Variants in NCAM2 observed in about 807,000 individuals in gnomAD.
NCAM2 encodes N-CAM-2.
NCAM2 carries 30 observed loss-of-function variants against 98.1 expected under a neutral mutation model. That is an observed-to-expected ratio of 0.31 (90% CI 0.23 to 0.41). The LOEUF (loss-of-function observed/expected upper bound fraction) is 0.41, where lower values mean the gene tolerates loss of function less well. Among genes scored for constraint, NCAM2 ranks in the 10% least tolerant of loss-of-function variants. The pLI is 1.00. For missense variants in NCAM2, 867 were observed against 1,005.8 expected (o/e 0.86, Z 1.87); for synonymous variants, 368 against 342.4 (o/e 1.07, Z -0.83).
intron 16 of NCAM2, among the ~76,000 whole-genome samples, chr21:21,531,571 T>C (rs1569143124): frequency 6.6e-6 from 1 of 152,142 alleles, no homozygotes; most frequent in Non-Finnish European, 1.5e-5. Flanking sequence ...GCTATGCTTG[T>C]TATTATTTCC....
intron 5 of NCAM2, among the ~76,000 whole-genome samples, chr21:21,312,895 T>G (rs1282575844): frequency 6.6e-6 from 1 of 151,866 alleles, no homozygotes; most frequent in African/African-American, 2.4e-5. Context: ...AATGTATTTT[T>G]TATATTTCTT....
At chr21:21,092,672 C>T (rs568846129) in intron 1 of NCAM2, among the ~76,000 whole-genome samples, 1 of 134 alleles carries the variant, frequency 7.5e-3, no homozygotes, top group East Asian at 0.25. Context: ...GAGTGAAATA[C>T]GCTAGAAAAA....
At position 21,341,452 on chromosome 21, in the gene NCAM2, GA is replaced by G. The variant is rs1255903605; in HGVS notation, c.1044+2923del. Among the ~76,000 whole-genome samples, 3 of 152,124 alleles carry G rather than the reference GA, an allele frequency of 2.0e-5. 1 individual carries two copies. The South Asian group carries it at 6.2e-4, about 31-fold the overall frequency. On this transcript the variant is annotated intron_variant, in intron 8 of 17. Transcript: ENST00000400546. ...AAATTAACAGCTAATATTTCCAACA[GA>G]AAAATGATCTTAACCAATTAGTTGA...
chr21:21,408,957 A>G (rs549618739), intron 9 of NCAM2, among the ~76,000 whole-genome samples: 3 of 118,758 alleles, frequency 2.5e-5, no homozygotes, highest in African/African-American at 8.0e-5. Context: ...AGATATAACA[A>G]AACTGGATAT....
At chr21:21,083,990 T>A (rs1486555661) in intron 1 of NCAM2, among the ~76,000 whole-genome samples, 1 of 152,196 alleles carries the variant, frequency 6.6e-6, no homozygotes, top group Non-Finnish European at 1.5e-5. Flanking sequence ...AAAAACACCA[T>A]AAATTGGGTG....
At chr21:21,187,442 A>G (rs1421312436) in intron 1 of NCAM2, among the ~76,000 whole-genome samples, 1 of 150,850 alleles carries the variant, frequency 6.6e-6, no homozygotes, top group Non-Finnish European at 1.5e-5. Context: ...CTTCTCCATC[A>G]ACAACAACAA....
intron 8 of NCAM2, among the ~76,000 whole-genome samples, chr21:21,364,577 A>T (rs1602113858): frequency 6.6e-6 from 1 of 151,994 alleles, no homozygotes; most frequent in Non-Finnish European, 1.5e-5. Flanking sequence ...TAAAAAGAAA[A>T]TGTATGTGTA....
chr21:21,286,207 G>A, intron 3 of NCAM2, 62 bp from the exon 4 acceptor site: 3 of 1,472,964 alleles, frequency 2.0e-6, no homozygotes, highest in South Asian at 2.5e-5. Context: ...GTTATTGGGA[G>A]AAATAAGCAA....
At chr21:21,374,087 C>A in intron 9 of NCAM2, 74 bp downstream of exon 9, 3 of 1,411,646 alleles carry the variant, frequency 2.1e-6, no homozygotes, top group Non-Finnish European at 1.9e-6. Flanking sequence ...TCAATAAAGA[C>A]CAAAATATAT....
At chr21:21,148,839 C>G (rs537545586) in intron 1 of NCAM2, among the ~76,000 whole-genome samples, 1 of 152,244 alleles carries the variant, frequency 6.6e-6, no homozygotes, top group South Asian at 2.1e-4. Context: ...ATTATTCTTA[C>G]AGTAGAAATA....
rs114835789 is a variant in NCAM2 at position 21,375,906 on chromosome 21, T to A, written c.1195+1893T>A. Among the ~76,000 whole-genome samples the A allele has an allele frequency of 1.5e-3, 224 of 151,922 alleles. 2 individuals carry two copies. Among genetic ancestry groups the A allele is most frequent in the African/African-American group, 5.2e-3 (217 of 41,516 alleles). ...GCATTTCATTAATATTTTAAAACATTTGCTGTATCATAGGATTAGTACTAA... is the reference window on the plus strand; with the variant it reads ...GCATTTCATTAATATTTTAAAACATATGCTGTATCATAGGATTAGTACTAA... On this transcript the variant is annotated intron_variant, in intron 9 of 17. Coordinates refer to ENST00000400546, the MANE Select transcript of NCAM2 (RefSeq NM_004540.5).
At chr21:21,126,520 A>G (rs2066828597) in intron 1 of NCAM2, among the ~76,000 whole-genome samples, 1 of 151,950 alleles carries the variant, frequency 6.6e-6, no homozygotes, top group Non-Finnish European at 1.5e-5. Flanking sequence ...ATTATTAATT[A>G]TTTTGAATAC....
chr21:21,149,989 A>G (rs993423950), intron 1 of NCAM2, among the ~76,000 whole-genome samples: 1 of 152,272 alleles, frequency 6.6e-6, no homozygotes, highest in African/African-American at 2.4e-5. Flanking sequence ...AGGAATTGCC[A>G]CACTATTTTC....
rs573125767 is a variant in NCAM2, at chr21:21,415,461, G to A, written c.1384-3012G>A. 2.7e-5 allele frequency among the ~76,000 whole-genome samples: 4 copies of A among 146,914 alleles called. No individual in the cohort carries two copies. In the East Asian group the frequency reaches 8.3e-4, roughly 31 times the overall value. On this transcript the variant is annotated intron_variant, in intron 10 of 17. Transcript: ENST00000400546. The stretch of plus-strand genomic sequence containing the variant: ...CACCGTTCTCCTGCCTCAGCCTCCC[G>A]AGTAGCTGGGACTACAGGCGCCGGC...
At chr21:21,247,190 G>A (rs1601755522) in intron 1 of NCAM2, among the ~76,000 whole-genome samples, 1 of 152,100 alleles carries the variant, frequency 6.6e-6, no homozygotes, top group South Asian at 2.1e-4. Context: ...GTGGTGGTGG[G>A]CACCTGTAGT....
At chr21:21,076,480 G>T (rs1568996501) in intron 1 of NCAM2, among the ~76,000 whole-genome samples, 1 of 152,028 alleles carries the variant, frequency 6.6e-6, no homozygotes, top group African/African-American at 2.4e-5. Flanking sequence ...CCCTTTTAAA[G>T]ATCTTTATAG....
At chr21:21,489,390 G>T (rs956917394) in intron 15 of NCAM2, among the ~76,000 whole-genome samples, 1 of 150,780 alleles carries the variant, frequency 6.6e-6, no homozygotes, top group Non-Finnish European at 1.5e-5. Flanking sequence ...CTCTATTTCT[G>T]TCTCTTCCTC....
intron 1 of NCAM2, among the ~76,000 whole-genome samples, chr21:21,214,744 T>C (rs201282945): frequency 5.8e-4 from 48 of 83,344 alleles, no homozygotes; most frequent in East Asian, 2.4e-3. Flanking sequence ...TATATATATA[T>C]ATACACTATA....
intron 1 of NCAM2, among the ~76,000 whole-genome samples, chr21:21,241,216 CA>C (rs1189289998): frequency 2.0e-5 from 3 of 151,754 alleles, no homozygotes; most frequent in East Asian, 1.9e-4. Context: ...ACAATGACAA[CA>C]AAAAAATGGC....
Sources: allele counts gnomAD v4.1 joint callset (sites outside exome capture counted in the v4.1 genomes callset), GRCh38; gene constraint gnomAD v4.1.1; transcripts MANE v1.5; gene names NCBI Gene and HGNC (gene_info 2026-07-23, HGNC 2026-07-21).